CAPN14: variants seen among roughly 807,000 people sequenced by gnomAD.
CAPN14 encodes the protein calpain-14.
CAPN14 carries 94 observed loss-of-function variants against 101.3 expected under a neutral mutation model. The ratio of observed to expected loss-of-function variants is 0.93; its 90% CI spans 0.79 to 1.10. The LOEUF (loss-of-function observed/expected upper bound fraction) is 1.10. CAPN14 is among the 50% of genes least tolerant of loss of function. The probability of loss-of-function intolerance (pLI) is 0.00; values close to 1 mark genes in which losing one functional copy is unlikely to be tolerated. For missense variants in CAPN14, 837 were observed against 828.4 expected (o/e 1.01, Z -0.13); for synonymous variants, 338 against 317.9 (o/e 1.06, Z -0.67).
intron 7 of CAPN14, among the ~76,000 whole-genome samples, chr2:31,198,150 C>T (rs999379738): frequency 2.6e-5 from 4 of 152,210 alleles, no homozygotes; most frequent in Admixed American, 6.5e-5. Context: ...CCCCTCTGCT[C>T]ACTGAGATAG....
intron 1 of CAPN14, among the ~76,000 whole-genome samples, chr2:31,212,023 C>A (rs1056061679): frequency 1.3e-5 from 2 of 152,098 alleles, no homozygotes; most frequent in African/African-American, 4.8e-5. Flanking sequence ...ATGTACAACA[C>A]ACTTAAAAAC....
At chr2:31,178,476 T>C in intron 18 of CAPN14, 35 bp downstream of exon 18, 1 of 1,496,474 alleles carries the variant, frequency 6.7e-7, no homozygotes, top group Middle Eastern at 1.7e-4. Context: ...TCCTACACCA[T>C]CTTCCAAAGA....
At chr2:31,184,235 A>G (rs75920640) in intron 16 of CAPN14, among the ~76,000 whole-genome samples, 4,179 of 152,312 alleles carry the variant, frequency 0.027, 75 homozygotes, top group South Asian at 0.043. Flanking sequence ...TCACTTTTTC[A>G]CATGGGTGAA....
intron 1 of CAPN14, among the ~76,000 whole-genome samples, chr2:31,227,691 A>T (rs1049129613): frequency 2.0e-5 from 3 of 152,188 alleles, no homozygotes; most frequent in African/African-American, 7.2e-5. Flanking sequence ...TCATAAAAAG[A>T]GGTTTTAACT....
At chr2:31,194,521 C>A in intron 8 of CAPN14, 38 bp from the exon 9 acceptor site, 2 of 1,428,400 alleles carry the variant, frequency 1.4e-6, no homozygotes, top group Non-Finnish European at 1.9e-6. Flanking sequence ...TTGTGGGGAG[C>A]ATGCTAGAAA....
chr2:31,193,237 G>A lies in CAPN14; in HGVS notation c.1008C>T (p.Thr336=). The change falls in exon 10 of 22, where the codon ACC becomes ACT. Residue 336 remains threonine (T), a synonymous_variant. Transcript: ENST00000403897. ...HFVLLVICKL[T]PGLLSQEAAQ... is the part of the protein sequence containing the mutation. ...CCGCCTCCTGGCTCAACAGGCCTGG[G>A]GTCAGTTTACAGATAACCAGGAGCA... is the stretch of plus-strand genomic sequence containing the variant. The A allele has an allele frequency of 6.4e-7, 1 of 1,551,746 alleles. No homozygotes were observed. Among genetic ancestry groups the A allele is most frequent in the East Asian group, 2.4e-5 (1 of 40,918 alleles).
intron 7 of CAPN14, among the ~76,000 whole-genome samples, chr2:31,199,061 T>C (rs2148687761): frequency 6.6e-6 from 1 of 152,342 alleles, no homozygotes; most frequent in African/African-American, 2.4e-5. Context: ...GCCTGGTGTG[T>C]CTTCCTCTCA....
intron 16 of CAPN14, among the ~76,000 whole-genome samples, chr2:31,184,049 T>A (rs904080021): frequency 6.6e-6 from 1 of 152,082 alleles, no homozygotes; most frequent in Admixed American, 6.5e-5. Context: ...ATCTGGCTAA[T>A]TTTTCATATT....
intron 16 of CAPN14, among the ~76,000 whole-genome samples, 160 bp downstream of exon 16, chr2:31,186,268 G>A (rs564017275): frequency 6.6e-6 from 1 of 152,236 alleles, no homozygotes; most frequent in South Asian, 2.1e-4. Flanking sequence ...TTTCCCTACT[G>A]CTTTTTCAGA....
upstream of CAPN14, among the ~76,000 whole-genome samples, chr2:31,221,682 G>A (rs142703728): frequency 5.5e-3 from 841 of 152,278 alleles, 12 homozygotes; most frequent in South Asian, 0.055. Flanking sequence ...GGAGAACAGC[G>A]TGGTTTCTGC....
intron 1 of CAPN14, among the ~76,000 whole-genome samples, chr2:31,232,063 C>T (rs1331149265): frequency 1.3e-5 from 2 of 152,188 alleles, no homozygotes; most frequent in Non-Finnish European, 2.9e-5. Context: ...TTCTATTCAG[C>T]ACTGGCCTCT....
intron 11 of CAPN14, 146 bp downstream of exon 11, chr2:31,191,789 G>C: frequency 2.7e-6 from 2 of 738,198 alleles, no homozygotes; most frequent in Non-Finnish European, 4.3e-6. Flanking sequence ...TAAATCACAT[G>C]TTCCTAAAGG....
At chr2:31,217,410 G>A (rs1300219936) in intron 1 of CAPN14, 46 bp downstream of exon 1, 3 of 152,160 alleles carry the variant, frequency 2.0e-5, no homozygotes, top group Admixed American at 6.5e-5. Context: ...GTCTCATAGG[G>A]CCTCTGGGCT....
chr2:31,189,577 T>C (rs13382984), intron 12 of CAPN14, 99 bp from the exon 13 acceptor site: 201,620 of 957,446 alleles, frequency 0.21, 25,791 homozygotes, highest in African/African-American at 0.49. Flanking sequence ...TAAGGTGGCC[T>C]CTGCTCTGCC....
chr2:31,215,848 G>A (rs199715694), intron 1 of CAPN14, among the ~76,000 whole-genome samples: 769 of 133,440 alleles, frequency 5.8e-3, no homozygotes, highest in Non-Finnish European at 7.4e-3. Context: ...TCTTAAAAAA[G>A]AAAAAAAAAA....
intron 6 of CAPN14, among the ~76,000 whole-genome samples, chr2:31,200,241 G>A (rs1053725923): frequency 1.3e-4 from 20 of 152,256 alleles, no homozygotes; most frequent in Non-Finnish European, 1.3e-4. Context: ...CTGACCCCAG[G>A]TGATCCGCCC....
Position 31,200,537 on chromosome 2 carries a change from G to A in CAPN14, c.640C>T (p.Leu214=), listed in dbSNP as rs1681701406. 1.3e-6 allele frequency: 2 copies of A among 1,551,530 alleles called. No individual in the cohort carries two copies. Among genetic ancestry groups the A allele is most frequent in the Admixed American group, 2.0e-5 (1 of 50,992 alleles). Residue 214 remains leucine, a synonymous_variant, in exon 6 of 22, where the codon CTG becomes TTG. Transcript: ENST00000403897. ...FTGGVTMTIN[L]AEAHGNLWDI... is the part of the protein sequence containing the mutation. ...CAGAGGTTGCCATGGGCTTCTGCCA[G>A]GTTGATGGTCATTGTCACCCCTCCA...
intron 1 of CAPN14, among the ~76,000 whole-genome samples, chr2:31,215,435 C>T (rs1351257254): frequency 6.6e-6 from 1 of 152,148 alleles, no homozygotes; most frequent in African/African-American, 2.4e-5. Flanking sequence ...GGCCTCAAGT[C>T]CAAATGGCCA....
At chr2:31,210,593 A>C (rs1303250825) in intron 1 of CAPN14, among the ~76,000 whole-genome samples, 1 of 152,246 alleles carries the variant, frequency 6.6e-6, no homozygotes, top group African/African-American at 2.4e-5. Context: ...TCATTTTAAA[A>C]TCCAAATAAC....
Sources: gnomAD v4.1 joint callset for allele counts (sites outside exome capture counted in the v4.1 genomes callset) on GRCh38, gnomAD v4.1.1 for gene constraint, MANE v1.5 for transcripts, NCBI Gene and HGNC (gene_info 2026-07-23, HGNC 2026-07-21) for gene names.